SCUBE1: variants seen among roughly 807,000 people sequenced by gnomAD.
SCUBE1 encodes signal peptide, CUB and EGF-like domain-containing protein 1.
Under a neutral mutation model 124.4 loss-of-function variants are expected in SCUBE1, and 59 were observed. The ratio of observed to expected loss-of-function variants is 0.47; its 90% CI spans 0.38 to 0.59. The LOEUF (loss-of-function observed/expected upper bound fraction) is 0.59. SCUBE1 is among the 20% of genes least tolerant of loss of function. SCUBE1 has a pLI of 0.00. For missense variants in SCUBE1, 1,150 were observed against 1,371.2 expected (o/e 0.84, Z 2.55); for synonymous variants, 545 against 550.9 (o/e 0.99, Z 0.15).
At chr22:43,331,852 A>G (rs1163065886) in intron 2 of SCUBE1, among the ~76,000 whole-genome samples, 1 of 152,192 alleles carries the variant, frequency 6.6e-6, no homozygotes, top group Admixed American at 6.5e-5. Context: ...CCCATGCCCC[A>G]GGGGCCGGAT....
intron 10 of SCUBE1, 63 bp downstream of exon 10, chr22:43,227,311 A>T (rs1415137307): frequency 1.3e-6 from 2 of 1,552,216 alleles, no homozygotes; most frequent in Non-Finnish European, 1.7e-6. Context: ...CAGAAAAGCC[A>T]CTGTCCCTCC....
At chr22:43,223,380 G>T (rs753317290) in intron 10 of SCUBE1, among the ~76,000 whole-genome samples, 164 bp from the exon 11 acceptor site, 2 of 152,182 alleles carry the variant, frequency 1.3e-5, no homozygotes, top group African/African-American at 4.8e-5. Flanking sequence ...TCCCTTGGGC[G>T]TGTGGGGATG....
chr22:43,326,240 G>A lies in SCUBE1; in HGVS notation c.221-6175C>T, dbSNP rs187652805. On this transcript the variant is annotated intron_variant, in intron 2 of 21. Transcript: ENST00000360835. The stretch of plus-strand genomic sequence containing the variant: ...TCCTCAAGAACAGTGGAGACCAAAC[G>A]CTCTAACAAAGACCCCTTTCCTGGC... Among the ~76,000 whole-genome samples the A allele has an allele frequency of 7.2e-5, 11 of 152,164 alleles. No individual in the cohort carries two copies. The East Asian group carries it at 1.5e-3, about 21-fold the overall frequency.
intron 8 of SCUBE1, 69 bp downstream of exon 8, chr22:43,231,684 C>A: frequency 6.6e-7 from 1 of 1,514,934 alleles, no homozygotes; most frequent in South Asian, 1.2e-5. Context: ...GAGCCCGTGT[C>A]AGCCCAGGAG....
chr22:43,339,090 C>CG lies in SCUBE1; in HGVS notation c.220+13dup. On this transcript the variant is annotated intron_variant, in intron 2 of 21. Transcript: ENST00000360835. ...AGCCTCAGGGTCTGCCCGGGAGGGC[C>CG]GGGCTGGACTCACCTTCACACTGCT... is the stretch of plus-strand genomic sequence containing the variant. 6.2e-7 allele frequency: 1 copy of CG among 1,613,122 alleles called. No homozygotes were observed. The highest frequency in any genetic ancestry group is 8.5e-7 in the Non-Finnish European group (1 of 1,179,426).
At chr22:43,263,685 T>C (rs780544652) in intron 4 of SCUBE1, among the ~76,000 whole-genome samples, 22 of 152,176 alleles carry the variant, frequency 1.4e-4, no homozygotes, top group African/African-American at 3.6e-4. Context: ...ACCCTGCTAG[T>C]TGTAATAAAG....
intron 3 of SCUBE1, among the ~76,000 whole-genome samples, chr22:43,299,579 C>T (rs1443651859): frequency 6.6e-6 from 1 of 152,172 alleles, no homozygotes; most frequent in Non-Finnish European, 1.5e-5. Context: ...GTGGGTGGGA[C>T]TTTTGATGCT....
chr22:43,284,904 T>C (rs1925076095), intron 4 of SCUBE1, among the ~76,000 whole-genome samples: 1 of 152,156 alleles, frequency 6.6e-6, no homozygotes, highest in South Asian at 2.1e-4. Context: ...TCTTGAGCTT[T>C]GTGAACAGTG....
At chr22:43,302,494 G>A (rs997378769) in intron 3 of SCUBE1, among the ~76,000 whole-genome samples, 1 of 152,206 alleles carries the variant, frequency 6.6e-6, no homozygotes, top group Non-Finnish European at 1.5e-5. Flanking sequence ...GGCAGGGCAG[G>A]GGGCGGCTGG....
chr22:43,291,000 C>A, intron 4 of SCUBE1, 46 bp downstream of exon 4: 1 of 1,522,052 alleles, frequency 6.6e-7, no homozygotes, highest in South Asian at 1.2e-5. Context: ...CTGGGGGCTG[C>A]CCATCCTGGG....
At chr22:43,223,531 G>C (rs1250125190) in intron 10 of SCUBE1, among the ~76,000 whole-genome samples, 1 of 152,198 alleles carries the variant, frequency 6.6e-6, no homozygotes, top group Non-Finnish European at 1.5e-5. Flanking sequence ...CATTCCCACT[G>C]GGGAAAGGAA....
intron 21 of SCUBE1, among the ~76,000 whole-genome samples, chr22:43,205,613 C>T (rs1479411163): frequency 6.8e-6 from 1 of 147,894 alleles, no homozygotes; most frequent in African/African-American, 2.5e-5. Flanking sequence ...ACACACCCAC[C>T]ACACCCCATA....
chr22:43,236,936 G>A (rs1225039011), intron 7 of SCUBE1, among the ~76,000 whole-genome samples: 1 of 152,204 alleles, frequency 6.6e-6, no homozygotes, highest in Non-Finnish European at 1.5e-5. Flanking sequence ...GTGAGCGAGC[G>A]AGTGAGATGA....
In SCUBE1 at chr22:43,255,786, G is replaced by A. The variant is rs1923638328; in HGVS notation, c.727+2433C>T. Among the ~76,000 whole-genome samples the A allele has an allele frequency of 6.6e-6, 1 of 152,194 alleles. No individual in the cohort carries two copies. ...CAGAGAGGCAGCGAGGGCGGGGGCG[G>A]GGGGACGTGCAGGAAAGGAGGAATG... On this transcript the variant is annotated intron_variant, in intron 6 of 21. Coordinates refer to ENST00000360835, the MANE Select transcript of SCUBE1 (RefSeq NM_173050.5). The surrounding 1 kb of genome is among the most constrained non-coding windows in gnomAD (Gnocchi z 4.7).
intron 4 of SCUBE1, among the ~76,000 whole-genome samples, chr22:43,277,391 G>A (rs567530934): frequency 8.3e-4 from 126 of 152,286 alleles, no homozygotes; most frequent in African/African-American, 3.0e-3. Context: ...GGGGCAGGGA[G>A]GCCTGTGAGG....
chr22:43,228,833 G>A (rs1922432624), intron 9 of SCUBE1, among the ~76,000 whole-genome samples: 1 of 152,250 alleles, frequency 6.6e-6, no homozygotes, highest in Admixed American at 6.5e-5. Context: ...TCTGGCCAAG[G>A]CCTGGCACTG....
intron 3 of SCUBE1, among the ~76,000 whole-genome samples, chr22:43,301,751 A>G (rs948425981): frequency 2.0e-5 from 3 of 152,178 alleles, no homozygotes; most frequent in African/African-American, 7.2e-5. Context: ...GTCTGTTTTG[A>G]GCATCACAGT....
chr22:43,291,168 C>T lies in SCUBE1; in HGVS notation c.362G>A (p.Cys121Tyr). The change falls in exon 4 of 22, where the codon TGT becomes TAT. Residue 121 changes from cysteine (C) to tyrosine (Y), a missense_variant. Physicochemically the swap from Cys to Tyr is radical, Grantham distance 194 (BLOSUM62 -2). Transcript: ENST00000360835. Reference protein sequence around the residue: ...DGHNCLDVDECQDNNGGCQQI... With the variant: ...DGHNCLDVDEYQDNNGGCQQI... ...CTGGCAGCCACCATTATTGTCCTGACACTCGTCCACATCTGTGAGAAAAGG... is the reference window on the plus strand; with the variant it reads ...CTGGCAGCCACCATTATTGTCCTGATACTCGTCCACATCTGTGAGAAAAGG... 2.5e-6 allele frequency: 4 copies of T among 1,609,932 alleles called. No homozygotes were observed. The highest frequency in any genetic ancestry group is 3.4e-6 in the Non-Finnish European group (4 of 1,176,470).
In SCUBE1 at chr22:43,255,494, G is replaced by C; in HGVS notation, c.727+2725C>G. The stretch of plus-strand genomic sequence containing the variant: ...AGTGGAAGAAAAGTGTTACCCATGA[G>C]TAGCCGCCGTTTCACCCGCTTGTCC... On this transcript the variant is annotated intron_variant, in intron 6 of 21. Coordinates refer to ENST00000360835, the MANE Select transcript of SCUBE1 (RefSeq NM_173050.5). The surrounding 1 kb of genome is among the most constrained non-coding windows in gnomAD (Gnocchi z 4.7). The C allele has an allele frequency of 6.4e-7, 1 of 1,550,444 alleles. No individual in the cohort carries two copies. Among genetic ancestry groups the C allele is most frequent in the Non-Finnish European group, 8.7e-7 (1 of 1,146,902 alleles).
Sources: allele counts gnomAD v4.1 joint callset (sites outside exome capture counted in the v4.1 genomes callset), GRCh38; gene constraint gnomAD v4.1.1; non-coding constraint Gnocchi (gnomAD v3.1); transcripts MANE v1.5; gene names NCBI Gene and HGNC (gene_info 2026-07-23, HGNC 2026-07-21).